Variants in CBLN2 observed in about 807,000 individuals in gnomAD.
CBLN2 encodes cerebellin 2 precursor.
In CBLN2, 7 loss-of-function variants were observed where a neutral mutation model predicts 15.0. The ratio of observed to expected loss-of-function variants is 0.47; its 90% confidence interval spans 0.27 to 0.88. CBLN2 has a LOEUF of 0.88. Among genes scored for constraint, CBLN2 ranks in the 40% least tolerant of loss-of-function variants. CBLN2 has a pLI of 0.14. For synonymous variants in CBLN2, 149 were observed against 135.2 expected (o/e 1.10, Z -0.71); for missense variants, 242 against 304.5 (o/e 0.79, Z 1.53).
intron 1 of CBLN2, among the ~76,000 whole-genome samples, chr18:72,626,583 C>G (rs539902355): frequency 1.2e-4 from 19 of 152,108 alleles, no homozygotes; most frequent in African/African-American, 4.6e-4. Flanking sequence ...GCCTGTAATC[C>G]CAGCTACTCG....
At chr18:72,606,044 C>T (rs1262457087) in intron 1 of CBLN2, among the ~76,000 whole-genome samples, 1 of 152,214 alleles carries the variant, frequency 6.6e-6, no homozygotes, top group Admixed American at 6.5e-5. Flanking sequence ...GCAGCCAGTC[C>T]CTTTGGGAGC....
intron 1 of CBLN2, among the ~76,000 whole-genome samples, chr18:72,615,302 T>A (rs1427950407): frequency 1.4e-5 from 2 of 140,016 alleles, no homozygotes; most frequent in East Asian, 2.0e-4. Flanking sequence ...TGAGACAGAG[T>A]TTTGCTCTTT....
At chr18:72,567,398 G>C (rs1255441277) in intron 1 of CBLN2, among the ~76,000 whole-genome samples, 1 of 152,128 alleles carries the variant, frequency 6.6e-6, no homozygotes, top group Non-Finnish European at 1.5e-5. Flanking sequence ...CTAGCATTCT[G>C]TCAGTCACCT....
chr18:72,558,195 T>C (rs908107670), intron 1 of CBLN2, among the ~76,000 whole-genome samples: 3 of 152,160 alleles, frequency 2.0e-5, no homozygotes, highest in Admixed American at 2.0e-4. Context: ...TCAGCTTGAC[T>C]CTGGAGGGGC....
chr18:72,607,435 TA>T (rs2069590497), intron 1 of CBLN2, among the ~76,000 whole-genome samples: 1 of 152,192 alleles, frequency 6.6e-6, no homozygotes, highest in African/African-American at 2.4e-5. Context: ...GGAGAAAGAA[TA>T]GCAACTGTTC....
intron 1 of CBLN2, among the ~76,000 whole-genome samples, chr18:72,615,570 C>T (rs1050100996): frequency 1.3e-5 from 2 of 151,948 alleles, no homozygotes; most frequent in Non-Finnish European, 2.9e-5. Flanking sequence ...AGCCACCGTG[C>T]CTGGCCCAAG....
upstream of CBLN2, among the ~76,000 whole-genome samples, chr18:72,548,900 C>G (rs2069175114): frequency 6.6e-6 from 1 of 152,196 alleles, no homozygotes. Flanking sequence ...GGGATCCAAA[C>G]TGTAATGAGC....
intron 3 of CBLN2, among the ~76,000 whole-genome samples, chr18:72,541,084 A>T (rs1162784064): frequency 6.6e-6 from 1 of 152,270 alleles, no homozygotes; most frequent in African/African-American, 2.4e-5. Context: ...AACCTTCTGC[A>T]TTGAACCAAA....
At position 72,619,379 on chromosome 18, in the gene CBLN2, T is replaced by A. The variant is rs188111938; in HGVS notation, c.15+18946A>T. ...TGTTTTTGACAAATACTCATGTGTA[T>A]GGGCAAAATCTCAAGGACTGTATTT... On this transcript the variant is annotated intron_variant, in intron 1 of 2. Coordinates refer to the CBLN2 transcript ENST00000581073. Among the ~76,000 whole-genome samples, 3 of 152,326 alleles carry A rather than the reference T, an allele frequency of 2.0e-5. No individual in the cohort carries two copies. The East Asian group carries it at 5.8e-4, about 29-fold the overall frequency.
At chr18:72,585,262 T>C (rs953058798) in intron 1 of CBLN2, among the ~76,000 whole-genome samples, 1 of 152,188 alleles carries the variant, frequency 6.6e-6, no homozygotes, top group African/African-American at 2.4e-5. Flanking sequence ...GACCCATTTG[T>C]ATTAAAGCTC....
At chr18:72,618,008 C>A (rs907027596) in intron 1 of CBLN2, among the ~76,000 whole-genome samples, 1 of 151,986 alleles carries the variant, frequency 6.6e-6, no homozygotes, top group East Asian at 1.9e-4. Context: ...GGAATTTTGG[C>A]TGTTATGGTT....
intron 1 of CBLN2, among the ~76,000 whole-genome samples, chr18:72,580,953 G>A (rs1443821042): frequency 1.3e-5 from 2 of 152,078 alleles, no homozygotes; most frequent in East Asian, 1.9e-4. Context: ...CCTTAGTACA[G>A]TATTAGCCAG....
chr18:72,604,738 C>T (rs935632598), intron 1 of CBLN2, among the ~76,000 whole-genome samples: 8 of 152,236 alleles, frequency 5.3e-5, no homozygotes, highest in Non-Finnish European at 1.2e-4. Flanking sequence ...AGCTAGCATT[C>T]TCAGCCTCCT....
At chr18:72,621,584 C>T (rs1224393660) in intron 1 of CBLN2, among the ~76,000 whole-genome samples, 1 of 152,114 alleles carries the variant, frequency 6.6e-6, no homozygotes, top group Non-Finnish European at 1.5e-5. Flanking sequence ...TTTTTTAAAA[C>T]AAATCTCATC....
chr18:72,592,030 A>C (rs8086969), intron 1 of CBLN2, among the ~76,000 whole-genome samples: 146,701 of 152,246 alleles, frequency 0.96, 70,855 homozygotes, highest in Non-Finnish European at 1. Flanking sequence ...ATTGGCAGCT[A>C]TGTTTTTAGT....
At chr18:72,560,747 G>A (rs1002716751) in intron 1 of CBLN2, among the ~76,000 whole-genome samples, 3 of 152,246 alleles carry the variant, frequency 2.0e-5, no homozygotes, top group Admixed American at 1.3e-4. Flanking sequence ...GGTGGCTCAC[G>A]CCTGTAATCC....
chr18:72,537,088 G>A lies in CBLN2; in HGVS notation c.*1088C>T, dbSNP rs976729537. The stretch of plus-strand genomic sequence containing the variant: ...CTGATCACTGTGCGCTCACTCAGAG[G>A]TGGATCCAAATAAATTAAATCACCC... On this transcript the variant is annotated 3_prime_UTR_variant, in exon 5 of 5. Transcript: ENST00000269503. 5 of 152,138 alleles carry A rather than the reference G, an allele frequency of 3.3e-5. No individual in the cohort carries two copies. The highest frequency in any genetic ancestry group is 3.3e-4 in the Admixed American group (5 of 15,266). 9.4% of individuals were successfully genotyped at this position (152,138 alleles called of 1,614,324 possible).
intron 1 of CBLN2, among the ~76,000 whole-genome samples, chr18:72,562,703 T>C (rs1287410876): frequency 6.6e-6 from 1 of 152,204 alleles, no homozygotes; most frequent in African/African-American, 2.4e-5. Context: ...TAGTGGAAAA[T>C]GAATCCTACT....
chr18:72,621,762 C>T lies in CBLN2; in HGVS notation c.15+16563G>A, dbSNP rs1324453318. On this transcript the variant is annotated intron_variant, in intron 1 of 2. Transcript: ENST00000581073. ...TCAACAAAGGAGACTGTATCAGAGCCCTGCAAAATAGGACTATGTCATGTA... is the reference window on the plus strand; with the variant it reads ...TCAACAAAGGAGACTGTATCAGAGCTCTGCAAAATAGGACTATGTCATGTA... Among the ~76,000 whole-genome samples, 3 of 152,104 alleles carry T rather than the reference C, an allele frequency of 2.0e-5. No individual in the cohort carries two copies. The East Asian group carries it at 5.8e-4, about 29-fold the overall frequency.
Sources: gnomAD v4.1 joint callset for allele counts (sites outside exome capture counted in the v4.1 genomes callset) on GRCh38, gnomAD v4.1.1 for gene constraint, MANE v1.5 for transcripts, NCBI Gene and HGNC (gene_info 2026-07-23, HGNC 2026-07-21) for gene names.